Variants in CLCN3 observed in about 807,000 individuals in gnomAD.
CLCN3 encodes H(+)/Cl(-) exchange transporter 3.
A neutral mutation model predicts 83.4 loss-of-function variants in CLCN3; 16 were observed. That is an observed-to-expected ratio of 0.19 (90% CI 0.13 to 0.29). The LOEUF (loss-of-function observed/expected upper bound fraction) is 0.29. Among genes scored for constraint, CLCN3 ranks in the 10% least tolerant of loss-of-function variants. The pLI, the probability that CLCN3 is intolerant of heterozygous loss-of-function variation, is 1.00. For missense variants in CLCN3, 544 were observed against 1,006.0 expected, an observed-to-expected ratio of 0.54 and a Z score of 6.21; for synonymous variants, 322 against 346.2, an observed-to-expected ratio of 0.93 and a Z score of 0.78.
rs78755237 is a variant in CLCN3, at chr4:169,661,838, T to C, written c.161-18212T>C. On this transcript the variant is annotated intron_variant, in intron 2 of 12. Coordinates refer to ENST00000513761, the MANE Select transcript of CLCN3 (RefSeq NM_001829.4). ...CGATCATAAATTCTTCTATTTCCTATGTTCTGATTATCAGTTTTCTGGTAA... is the reference window on the plus strand; with the variant it reads ...CGATCATAAATTCTTCTATTTCCTACGTTCTGATTATCAGTTTTCTGGTAA... Among the ~76,000 whole-genome samples, 1,040 of 152,272 alleles carry C rather than the reference T, an allele frequency of 6.8e-3. 9 individuals are homozygous for C. Among genetic ancestry groups the C allele is most frequent in the African/African-American group, 0.024 (1,000 of 41,588 alleles).
rs1581303410 is a variant in CLCN3, at chr4:169,721,689, G to A, written c.*1692G>A. ...CATTTTTTGCAGGATGAGTGAAAAT[G>A]CACTGGATTATATTTGGGATTTTTG... On this transcript the variant is annotated 3_prime_UTR_variant, in exon 13 of 13. Coordinates refer to ENST00000513761, the MANE Select transcript of CLCN3 (RefSeq NM_001829.4). The A allele has an allele frequency of 6.6e-6, 1 of 152,134 alleles. No homozygotes were observed. Among genetic ancestry groups the A allele is most frequent in the East Asian group, 1.9e-4 (1 of 5,208 alleles). 9.4% of individuals were successfully genotyped at this position (152,134 alleles called of 1,614,324 possible). A position where few individuals can be genotyped will look rare whatever the true frequency, so the allele number is the denominator to read the frequency against.
chr4:169,703,885 A>T, intron 9 of CLCN3, 113 bp from the exon 10 acceptor site: 1 of 1,032,562 alleles, frequency 9.7e-7, no homozygotes. Context: ...ATTTTGCTAT[A>T]TTAATACAAT....
intron 3 of CLCN3, among the ~76,000 whole-genome samples, chr4:169,685,424 T>C (rs923792134): frequency 6.6e-6 from 1 of 152,190 alleles, no homozygotes; most frequent in African/African-American, 2.4e-5. Flanking sequence ...TTTTAACTTG[T>C]GGTTTATCTT....
intron 1 of CLCN3, among the ~76,000 whole-genome samples, chr4:169,626,732 C>T (rs1773245296): frequency 6.6e-6 from 1 of 152,200 alleles, no homozygotes; most frequent in African/African-American, 2.4e-5. Flanking sequence ...AATCCCATCA[C>T]TTTGGAAGGC....
chr4:169,643,873 T>G (rs1730495426), intron 2 of CLCN3, among the ~76,000 whole-genome samples: 2 of 152,012 alleles, frequency 1.3e-5, no homozygotes, highest in Non-Finnish European at 2.9e-5. Context: ...AGAGCTCAAA[T>G]TTTTTTTATT....
At chr4:169,643,583 G>A (rs1367146457) in intron 2 of CLCN3, among the ~76,000 whole-genome samples, 1 of 151,696 alleles carries the variant, frequency 6.6e-6, no homozygotes, top group East Asian at 1.9e-4. Flanking sequence ...TCCAGGCTGG[G>A]GTGCAGTGGC....
In CLCN3 at chr4:169,720,791, A is replaced by G. The variant is rs1733609149; in HGVS notation, c.*794A>G. On this transcript the variant is annotated 3_prime_UTR_variant, in exon 13 of 13. Transcript: ENST00000513761. Reference sequence around the variant, plus strand: ...GAAGGAAGCGAGAACGAAATCTCTCATTGTGTGCCGTGTGGCTCAAAACCG... The same window carrying G: ...GAAGGAAGCGAGAACGAAATCTCTCGTTGTGTGCCGTGTGGCTCAAAACCG... 6.6e-6 allele frequency: 1 copy of G among 152,668 alleles called. No individual in the cohort carries two copies. Among genetic ancestry groups the G allele is most frequent in the South Asian group, 2.1e-4 (1 of 4,830 alleles). 9.5% of individuals were successfully genotyped at this position (152,668 alleles called of 1,614,324 possible).
intron 1 of CLCN3, among the ~76,000 whole-genome samples, chr4:169,628,713 T>C (rs1328919627): frequency 6.6e-6 from 1 of 152,242 alleles, no homozygotes; most frequent in African/African-American, 2.4e-5. Flanking sequence ...TGTACAATGG[T>C]ACAGCCACTC....
intron 5 of CLCN3, among the ~76,000 whole-genome samples, chr4:169,689,584 A>T (rs1292114600): frequency 6.6e-6 from 1 of 152,226 alleles, no homozygotes; most frequent in Non-Finnish European, 1.5e-5. Context: ...TGAAAGTATT[A>T]TCAAATAATT....
intron 9 of CLCN3, among the ~76,000 whole-genome samples, chr4:169,699,547 C>G (rs1732694559): frequency 6.6e-6 from 1 of 152,074 alleles, no homozygotes; most frequent in Non-Finnish European, 1.5e-5. Flanking sequence ...TCTCTTTTCT[C>G]TTGTCCTAAG....
chr4:169,675,119 T>A (rs1235004907), intron 2 of CLCN3, among the ~76,000 whole-genome samples: 1 of 152,266 alleles, frequency 6.6e-6, no homozygotes, highest in Non-Finnish European at 1.5e-5. Flanking sequence ...CAAACATTTA[T>A]TAGTACTATT....
chr4:169,718,667 ATGCCCGAAATTATTT>A (rs772109951), intron 12 of CLCN3, among the ~76,000 whole-genome samples: 19 of 152,216 alleles, frequency 1.2e-4, no homozygotes, highest in Non-Finnish European at 2.2e-4. Context: ...TTAGCAATTA[ATGCCCGAAATTATTT>A]TGCCCTGCAA....
intron 3 of CLCN3, 109 bp from the exon 4 acceptor site, chr4:169,687,549 T>C (rs1732209796): frequency 3.2e-6 from 2 of 632,056 alleles, no homozygotes; most frequent in Non-Finnish European, 2.7e-6. Flanking sequence ...CATTATTTAG[T>C]TCTGAAATTA....
Position 169,713,235 on chromosome 4 carries a change from A to G in CLCN3, c.2306A>G (p.Glu769Gly). ...PFTVTDHTPM[E>G]IVVDIFRKLG... ...ACAGTGACAGACCACACCCCAATGG[A>G]GATCGTGGTGGATATTTTCCGAAAG... is the stretch of plus-strand genomic sequence containing the variant. The change falls in exon 12 of 13, where the codon GAG becomes GGG. Residue 769 changes from glutamate to glycine, a missense_variant. Physicochemically the swap from Glu to Gly is moderately conservative, Grantham distance 98. This residue lies in a region of CLCN3 where 142 missense variants were observed against 225.0 expected (regional missense o/e 0.63). Coordinates refer to ENST00000513761, the MANE Select transcript of CLCN3 (RefSeq NM_001829.4). The G allele has an allele frequency of 6.2e-7, 1 of 1,614,064 alleles. No individual in the cohort carries two copies. Among genetic ancestry groups the G allele is most frequent in the Non-Finnish European group, 8.5e-7 (1 of 1,179,944 alleles).
At chr4:169,626,001 A>T (rs1773225192) in intron 1 of CLCN3, among the ~76,000 whole-genome samples, 1 of 152,158 alleles carries the variant, frequency 6.6e-6, no homozygotes, top group South Asian at 2.1e-4. Context: ...GTCAGACACC[A>T]CTGGTTGAGG....
At chr4:169,670,655 G>A (rs1386118558) in intron 2 of CLCN3, among the ~76,000 whole-genome samples, 4 of 152,206 alleles carry the variant, frequency 2.6e-5, no homozygotes, top group Non-Finnish European at 5.9e-5. Context: ...TGTGAGGAAA[G>A]TCAATGGTAG....
intron 11 of CLCN3, among the ~76,000 whole-genome samples, chr4:169,712,531 C>T (rs1033195717): frequency 1.3e-5 from 2 of 152,176 alleles, no homozygotes; most frequent in Non-Finnish European, 2.9e-5. Flanking sequence ...ACTTTCATCT[C>T]ATCTGTAATG....
intron 11 of CLCN3, among the ~76,000 whole-genome samples, chr4:169,710,745 T>C (rs754025490): frequency 3.3e-5 from 5 of 152,220 alleles, no homozygotes; most frequent in Non-Finnish European, 5.9e-5. Context: ...TGTTTGTTAT[T>C]TTGTCGGTGT....
At chr4:169,637,248 C>G (rs1469944771) in intron 2 of CLCN3, among the ~76,000 whole-genome samples, 1 of 152,024 alleles carries the variant, frequency 6.6e-6, no homozygotes, top group East Asian at 1.9e-4. Flanking sequence ...TTTTCAGATA[C>G]ATGTACGGTA....
Sources: allele counts gnomAD v4.1 joint callset (sites outside exome capture counted in the v4.1 genomes callset), GRCh38; gene constraint gnomAD v4.1.1; regional missense constraint gnomAD v4.1.1; transcripts MANE v1.5; gene names NCBI Gene and HGNC (gene_info 2026-07-23, HGNC 2026-07-21).